The following ZSCAN4 variants were observed in gnomAD, a reference collection of about 807,000 sequenced individuals.
ZSCAN4 encodes the protein zinc finger and SCAN domain-containing protein 4.
A neutral mutation model predicts 18.3 loss-of-function variants in ZSCAN4; 18 were observed. The ratio of observed to expected loss-of-function variants is 0.98; its 90% CI spans 0.68 to 1.46. The LOEUF (loss-of-function observed/expected upper bound fraction) is 1.46, where lower values mean the gene tolerates loss of function less well. Ranked by LOEUF, ZSCAN4 falls within the 40% of genes most tolerant of loss-of-function variation. The pLI is 0.00. For synonymous variants in ZSCAN4, 193 were observed against 180.3 expected, an observed-to-expected ratio of 1.07 and a Z score of -0.57; for missense variants, 498 against 511.4, an observed-to-expected ratio of 0.97 and a Z score of 0.25.
At chr19:57,678,007 C>G in exon 4 of ZSCAN4, 1 of 1,602,704 alleles carries the variant, frequency 6.2e-7, no homozygotes, top group South Asian at 1.1e-5. Flanking sequence ...AGTGAATGCC[C>G]AAACCACAAG....
At chr19:57,661,373 G>A in the ZSCAN4 span, among the ~76,000 whole-genome samples, 2 of 152,080 alleles carry the variant, frequency 1.3e-5, no homozygotes, top group Non-Finnish European at 2.9e-5. Context: ...ACTTACTGCT[G>A]AGTAAATTCT....
the ZSCAN4 span, among the ~76,000 whole-genome samples, chr19:57,659,547 C>T: frequency 2.6e-5 from 4 of 152,132 alleles, no homozygotes; most frequent in South Asian, 2.1e-4. Context: ...AAGTGGGAGC[C>T]GCTGCACCTG....
chr19:57,654,300 C>T, the ZSCAN4 span, among the ~76,000 whole-genome samples: 2 of 152,068 alleles, frequency 1.3e-5, no homozygotes, highest in African/African-American at 4.8e-5. Flanking sequence ...TCATTCTACC[C>T]CTTTTATTTT....
At chr19:57,658,843 A>C in the ZSCAN4 span, among the ~76,000 whole-genome samples, 1 of 151,790 alleles carries the variant, frequency 6.6e-6, no homozygotes, top group Admixed American at 6.6e-5. Context: ...CAAAAAAAAA[A>C]AAAAAAAAAA....
chr19:57,651,671 G>C, the ZSCAN4 span, among the ~76,000 whole-genome samples: 5 of 152,132 alleles, frequency 3.3e-5, no homozygotes, highest in Non-Finnish European at 7.4e-5. Context: ...ACGACGCTTG[G>C]GTTCACTTGG....
chr19:57,665,594 T>C (rs553248465), upstream of ZSCAN4, among the ~76,000 whole-genome samples: 2 of 152,298 alleles, frequency 1.3e-5, no homozygotes, highest in East Asian at 3.9e-4. Context: ...CTTTTGTAAA[T>C]GTGTGTTTGA....
chr19:57,662,549 T>G, the ZSCAN4 span, among the ~76,000 whole-genome samples: 1 of 152,106 alleles, frequency 6.6e-6, no homozygotes, highest in East Asian at 1.9e-4. Flanking sequence ...GCTGAGAGAT[T>G]TGGTTTTTTG....
intron 3 of ZSCAN4, among the ~76,000 whole-genome samples, 181 bp downstream of exon 3, chr19:57,676,722 A>G (rs541329457): frequency 1.3e-5 from 2 of 152,364 alleles, no homozygotes; most frequent in South Asian, 4.1e-4. Context: ...CAAGAAAAAA[A>G]GCAAAAAGGT....
At position 57,674,009 on chromosome 19, in the gene ZSCAN4, C is replaced by T. The variant is rs1984104023; in HGVS notation, c.-105-2032C>T. Reference sequence around the variant, plus strand: ...TTTCAAGTGATCTGCCCGCCTCGGCCTCCCAAAGTGTTGGGATTACAGGTG... The same window carrying T: ...TTTCAAGTGATCTGCCCGCCTCGGCTTCCCAAAGTGTTGGGATTACAGGTG... On this transcript the variant is annotated intron_variant, in intron 2 of 4. Transcript: ENST00000318203. Among the ~76,000 whole-genome samples, 3 of 152,336 alleles carry T rather than the reference C, an allele frequency of 2.0e-5. No individual in the cohort carries two copies. The South Asian group carries it at 6.2e-4, about 32-fold the overall frequency.
exon 5 of ZSCAN4, chr19:57,678,231 A>G (rs1035757278): frequency 1.9e-6 from 3 of 1,614,158 alleles, no homozygotes; most frequent in Non-Finnish European, 1.7e-6. Context: ...TGAAAATATT[A>G]CTAATCAAGG....
chr19:57,667,986 C>CG (rs1568657123), upstream of ZSCAN4, among the ~76,000 whole-genome samples: 1 of 152,118 alleles, frequency 6.6e-6, no homozygotes. Context: ...ACTGCAACCT[C>CG]GGCCTCCCAG....
At chr19:57,657,103 G>A in the ZSCAN4 span, among the ~76,000 whole-genome samples, 11 of 152,056 alleles carry the variant, frequency 7.2e-5, no homozygotes, top group South Asian at 4.2e-4. Context: ...AAAATTATCC[G>A]GGAGTGTCCA....
At chr19:57,669,660 C>T (rs996792162) in intron 1 of ZSCAN4, among the ~76,000 whole-genome samples, 5 of 150,908 alleles carry the variant, frequency 3.3e-5, no homozygotes, top group African/African-American at 4.9e-5. Flanking sequence ...CTCTTGACCT[C>T]GTGATCCGCC....
At position 57,678,671 on chromosome 19, in the gene ZSCAN4, G is replaced by A. The variant is rs773298257; in HGVS notation, c.1068G>A (p.Arg356=). ...GCTTCTTCCAGATATCAGACCTACG[G>A]GTGCATCAGATAATTCACACAGGAA... The change falls in exon 5 of 5, where the codon CGG becomes CGA. Residue 356 remains arginine, a synonymous_variant. Transcript: ENST00000318203. 1.5e-5 allele frequency: 24 copies of A among 1,613,934 alleles called. No homozygotes were observed. The African/African-American group carries it at 3.2e-4, about 22-fold the overall frequency.
the ZSCAN4 span, among the ~76,000 whole-genome samples, chr19:57,660,709 A>G: frequency 6.6e-6 from 1 of 151,998 alleles, no homozygotes; most frequent in African/African-American, 2.4e-5. Context: ...TACTCACAGT[A>G]CTCTTCTCTA....
chr19:57,674,429 TTTTCTG>T (rs1392727098), intron 2 of ZSCAN4, among the ~76,000 whole-genome samples: 1 of 152,162 alleles, frequency 6.6e-6, no homozygotes, highest in Non-Finnish European at 1.5e-5. Flanking sequence ...CGGTATTTGG[TTTTCTG>T]TTTCTGAGTT....
chr19:57,678,632 C>T (rs770049529), exon 5 of ZSCAN4: 9 of 1,613,828 alleles, frequency 5.6e-6, no homozygotes, highest in East Asian at 4.5e-5. Flanking sequence ...TTGTTTGTCC[C>T]GAGTGTCAAA....
chr19:57,660,871 C>A, the ZSCAN4 span, among the ~76,000 whole-genome samples: 1 of 152,110 alleles, frequency 6.6e-6, no homozygotes, highest in Admixed American at 6.6e-5. Context: ...CCCCTGGCCC[C>A]CAGTGTAGAT....
chr19:57,666,574 CAAAA>C (rs10553956), upstream of ZSCAN4, among the ~76,000 whole-genome samples: 18 of 141,200 alleles, frequency 1.3e-4, no homozygotes, highest in East Asian at 2.0e-4. Context: ...TATTTTTTCT[CAAAA>C]AAAAAAAAAA....
Sources: allele counts gnomAD v4.1 joint callset (sites outside exome capture counted in the v4.1 genomes callset), GRCh38; gene constraint gnomAD v4.1.1; transcripts MANE v1.5; gene names NCBI Gene and HGNC (gene_info 2026-07-23, HGNC 2026-07-21).